The following PCYOX1L variants were observed in gnomAD, a reference collection of about 807,000 sequenced individuals.
PCYOX1L encodes prenylcysteine oxidase 1-like.
Under a neutral mutation model 44.1 loss-of-function variants are expected in PCYOX1L, and 40 were observed. The ratio of observed to expected loss-of-function variants is 0.91; its 90% CI spans 0.70 to 1.18. The LOEUF is 1.18. Ranked by LOEUF, PCYOX1L falls within the 50% of genes most tolerant of loss-of-function variation. PCYOX1L has a pLI of 0.00. For synonymous variants in PCYOX1L, 266 were observed against 282.8 expected (o/e 0.94, Z 0.60); for missense variants, 605 against 653.3 (o/e 0.93, Z 0.81).
chr5:149,367,588 T>G, intron 5 of PCYOX1L, 88 bp downstream of exon 5: 1 of 1,549,530 alleles, frequency 6.5e-7, no homozygotes, highest in African/African-American at 1.4e-5. Flanking sequence ...AGCCCTGGTC[T>G]GTGATCCCCC....
chr5:149,359,208 A>G (rs1757939428), intron 1 of PCYOX1L, among the ~76,000 whole-genome samples: 1 of 152,132 alleles, frequency 6.6e-6, no homozygotes, highest in Non-Finnish European at 1.5e-5. Context: ...GCCACTCTCC[A>G]TGCACCCCAG....
At chr5:149,366,897 T>C (rs1405487116) in intron 4 of PCYOX1L, among the ~76,000 whole-genome samples, 5 of 152,190 alleles carry the variant, frequency 3.3e-5, no homozygotes, top group Non-Finnish European at 5.9e-5. Context: ...AGAATTCACA[T>C]ACCATATAAT....
At position 149,367,349 on chromosome 5, in the gene PCYOX1L, G is replaced by T. The variant is rs372542183; in HGVS notation, c.683-11G>T. ...GACAACCTATCAGCACCCACTTCCC[G>T]CTTTGCCCAGGAGCCATGTCACTAG... On this transcript the variant is annotated splice_polypyrimidine_tract_variant and intron_variant, in intron 4 of 5. Coordinates refer to ENST00000274569, the MANE Select transcript of PCYOX1L (RefSeq NM_024028.4). 6.2e-7 allele frequency: 1 copy of T among 1,604,466 alleles called. No homozygotes were observed. Among genetic ancestry groups the T allele is most frequent in the Non-Finnish European group, 8.5e-7 (1 of 1,176,040 alleles).
At chr5:149,367,866 A>T in intron 5 of PCYOX1L, 127 bp from the exon 6 acceptor site, 5 of 1,022,714 alleles carry the variant, frequency 4.9e-6, no homozygotes, top group Non-Finnish European at 7.1e-6. Context: ...GCCAGGACCC[A>T]CCATTTAGAC....
In PCYOX1L at chr5:149,368,674, G is replaced by A; in HGVS notation, c.*20G>A. 6.7e-7 allele frequency: 1 copy of A among 1,499,034 alleles called. No individual in the cohort carries two copies. The highest frequency in any genetic ancestry group is 8.8e-7 in the Non-Finnish European group (1 of 1,131,296). The allele number at this position is 1,499,034 out of a possible 1,614,324, so 92.9% of individuals were successfully genotyped here. ...CTGTGAGGGCTCTAGGGAGAGCCTG[G>A]GAACTTTCATCCCCCACTGAAGATG... On this transcript the variant is annotated 3_prime_UTR_variant, in exon 6 of 6. Coordinates refer to ENST00000274569, the MANE Select transcript of PCYOX1L (RefSeq NM_024028.4).
chr5:149,361,692 G>A (rs150204772), intron 1 of PCYOX1L, among the ~76,000 whole-genome samples: 35 of 152,114 alleles, frequency 2.3e-4, no homozygotes, highest in Non-Finnish European at 3.4e-4. Context: ...GCAATGGCAC[G>A]ATCTCAGCTC....
At chr5:149,363,003 C>T in intron 2 of PCYOX1L, 160 bp downstream of exon 2, 1 of 857,314 alleles carries the variant, frequency 1.2e-6, no homozygotes, top group Non-Finnish European at 1.9e-6. Context: ...AAGGAACTTG[C>T]CTGAGGTTAC....
At chr5:149,358,725 CA>C (rs1339346107) in intron 1 of PCYOX1L, among the ~76,000 whole-genome samples, 1 of 152,244 alleles carries the variant, frequency 6.6e-6, no homozygotes, top group African/African-American at 2.4e-5. Flanking sequence ...AGAGACAGAA[CA>C]CTAGGTCCGC....
In PCYOX1L at chr5:149,366,160, G is replaced by T; in HGVS notation, c.682+7G>T. 1.2e-6 allele frequency: 2 copies of T among 1,608,888 alleles called. No individual in the cohort carries two copies. The highest frequency in any genetic ancestry group is 8.5e-7 in the Non-Finnish European group (1 of 1,179,770). Reference sequence around the variant, plus strand: ...GCGATGCCCGCCTTTGCAGGTAAGCGTCCAACCCTTGGCCTGCCCACCTGC... The same window carrying T: ...GCGATGCCCGCCTTTGCAGGTAAGCTTCCAACCCTTGGCCTGCCCACCTGC... On this transcript the variant is annotated splice_region_variant and intron_variant, in intron 4 of 5. Coordinates refer to ENST00000274569, the MANE Select transcript of PCYOX1L (RefSeq NM_024028.4).
Position 149,364,158 on chromosome 5 carries a change from A to T in PCYOX1L, c.418A>T (p.Ser140Cys), listed in dbSNP as rs780508634. Residue 140 changes from serine (S) to cysteine (C), a missense_variant, in exon 3 of 6, where the codon AGC (serine) becomes TGC (cysteine). Transcript: ENST00000274569. The part of the protein sequence containing the change: ...LFRLWWHYGI[S>C]FLRLQMWVEE... ...CCGCCTCTGGTGGCACTATGGCATC[A>T]GCTTCCTGAGGCTGCAGATGTGGGT... 2 of 1,614,188 alleles carry T rather than the reference A, an allele frequency of 1.2e-6. No homozygotes were observed. Among genetic ancestry groups the T allele is most frequent in the Non-Finnish European group, 1.7e-6 (2 of 1,180,038 alleles).
At position 149,365,448 on chromosome 5, in the gene PCYOX1L, G is replaced by T. The variant is rs1222212392; in HGVS notation, c.471-494G>T. On this transcript the variant is annotated intron_variant, in intron 3 of 5. Coordinates refer to ENST00000274569, the MANE Select transcript of PCYOX1L (RefSeq NM_024028.4). ...TGAGTGATAGAGCGACAGGACATGA[G>T]CCTGGGGGTGAGTGGGAGCCCTGTC... is the stretch of plus-strand genomic sequence containing the variant. 3 of 179,422 alleles carry T rather than the reference G, an allele frequency of 1.7e-5. No individual in the cohort carries two copies. In the South Asian group the frequency reaches 3.9e-4, roughly 23 times the overall value. The allele number at this position is 179,422 out of a possible 1,614,324, so 11.1% of individuals were successfully genotyped here. A position where few individuals can be genotyped will look rare whatever the true frequency, so the allele number is the denominator to read the frequency against.
At chr5:149,360,604 C>T (rs1757980617) in intron 1 of PCYOX1L, among the ~76,000 whole-genome samples, 2 of 152,168 alleles carry the variant, frequency 1.3e-5, no homozygotes, top group South Asian at 4.1e-4. Flanking sequence ...GCAGAGTGTG[C>T]TGTGGGAATA....
At chr5:149,365,576 G>C (rs1441553799) in intron 3 of PCYOX1L, 2 of 271,006 alleles carry the variant, frequency 7.4e-6, no homozygotes, top group African/African-American at 4.4e-5. Flanking sequence ...TGGCAGAACC[G>C]ACACTGTTGG....
intron 3 of PCYOX1L, chr5:149,364,706 A>T (rs1231970956): frequency 1.3e-5 from 2 of 154,504 alleles, no homozygotes; most frequent in African/African-American, 2.4e-5. Context: ...CAACCAATTC[A>T]TCTTGTAAGC....
intron 3 of PCYOX1L, 56 bp downstream of exon 3, chr5:149,364,266 G>A: frequency 6.3e-7 from 1 of 1,599,864 alleles, no homozygotes; most frequent in Non-Finnish European, 8.5e-7. Context: ...AAGAGGTGGG[G>A]GAGGAACCAG....
At position 149,362,647 on chromosome 5, in the gene PCYOX1L, G is replaced by A. The variant is rs1758047762; in HGVS notation, c.99G>A (p.Gly33=). 1.9e-6 allele frequency: 3 copies of A among 1,613,996 alleles called. No individual in the cohort carries two copies. The highest frequency in any genetic ancestry group is 2.7e-5 in the African/African-American group (2 of 74,934). ...DAPPGKIAVV[G]AGIGGSAVAH... ...CGGGCCTGCTGACAGCGGTGGTTGG[G>A]GCTGGGATTGGGGGCTCTGCTGTGG... is the stretch of plus-strand genomic sequence containing the variant. Residue 33 remains glycine (G), a synonymous_variant, in exon 2 of 6, where the codon GGG becomes GGA. Coordinates refer to ENST00000274569, the MANE Select transcript of PCYOX1L (RefSeq NM_024028.4).
intron 3 of PCYOX1L, 21 bp downstream of exon 3, chr5:149,364,231 G>T (rs1162380153): frequency 1.9e-6 from 3 of 1,612,832 alleles, no homozygotes; most frequent in East Asian, 4.5e-5. Context: ...CAGAGCTGTG[G>T]GGATGGCGTT....
At chr5:149,358,752 A>G (rs1429370687) in intron 1 of PCYOX1L, among the ~76,000 whole-genome samples, 1 of 152,236 alleles carries the variant, frequency 6.6e-6, no homozygotes, top group Non-Finnish European at 1.5e-5. Flanking sequence ...ATTTGCTGAC[A>G]GAACGGGGAA....
chr5:149,368,282 G>C lies in PCYOX1L; in HGVS notation c.1113G>C (p.Leu371=), dbSNP rs995549694. 3.1e-6 allele frequency: 5 copies of C among 1,614,136 alleles called. No individual in the cohort carries two copies. Among genetic ancestry groups the C allele is most frequent in the Non-Finnish European group, 3.4e-6 (4 of 1,180,034 alleles). ...TTDFPSFFCT[L]DNICPVNISA... ...ATTTCCCCAGCTTCTTCTGCACTCT[G>C]GACAACATCTGCCCTGTCAACATCT... The change falls in exon 6 of 6, where the codon CTG becomes CTC. Residue 371 remains leucine, a synonymous_variant. Coordinates refer to ENST00000274569, the MANE Select transcript of PCYOX1L (RefSeq NM_024028.4).
Sources: gnomAD v4.1 joint callset for allele counts (sites outside exome capture counted in the v4.1 genomes callset) on GRCh38, gnomAD v4.1.1 for gene constraint, MANE v1.5 for transcripts, NCBI Gene and HGNC (gene_info 2026-07-23, HGNC 2026-07-21) for gene names.